IKZF2: variants seen among roughly 807,000 people sequenced by gnomAD.
The protein encoded by IKZF2 is zinc finger protein Helios.
Under a neutral mutation model 49.2 loss-of-function variants are expected in IKZF2, and 15 were observed. That is an observed-to-expected ratio of 0.30 (90% CI 0.20 to 0.47). The LOEUF (loss-of-function observed/expected upper bound fraction) is 0.47, where lower values mean the gene tolerates loss of function less well. IKZF2 is among the 20% of genes least tolerant of loss of function. IKZF2 has a pLI of 1.00. For synonymous variants in IKZF2, 227 were observed against 221.4 expected (o/e 1.03, Z -0.23); for missense variants, 567 against 664.6 (o/e 0.85, Z 1.61).
intron 4 of IKZF2, among the ~76,000 whole-genome samples, chr2:213,136,042 C>G (rs1401919647): frequency 7.7e-6 from 1 of 130,058 alleles, no homozygotes; most frequent in Admixed American, 7.1e-5. Context: ...GAGCGAGACT[C>G]CGTTTCAAAA....
intron 4 of IKZF2, among the ~76,000 whole-genome samples, chr2:213,097,527 C>A (rs1315896077): frequency 6.6e-6 from 1 of 151,960 alleles, no homozygotes; most frequent in Admixed American, 6.6e-5. Context: ...TCACATTTAG[C>A]CTTTATGTCC....
At chr2:213,104,119 C>G (rs1228667106) in intron 4 of IKZF2, among the ~76,000 whole-genome samples, 1 of 152,084 alleles carries the variant, frequency 6.6e-6, no homozygotes, top group Non-Finnish European at 1.5e-5. Context: ...GTATTGCAAA[C>G]TTGCAAAACA....
At chr2:213,136,978 G>A (rs910463650) in intron 4 of IKZF2, among the ~76,000 whole-genome samples, 1 of 151,956 alleles carries the variant, frequency 6.6e-6, no homozygotes, top group African/African-American at 2.4e-5. Context: ...ATTTGTTACA[G>A]GTATTGTACT....
chr2:213,036,070 G>T (rs1208247783), intron 6 of IKZF2, among the ~76,000 whole-genome samples: 1 of 151,998 alleles, frequency 6.6e-6, no homozygotes, highest in African/African-American at 2.4e-5. Context: ...ACTATTGTTA[G>T]ATTTATTTTG....
At chr2:213,101,758 T>C (rs1476621510) in intron 4 of IKZF2, among the ~76,000 whole-genome samples, 2 of 152,178 alleles carry the variant, frequency 1.3e-5, no homozygotes, top group East Asian at 3.8e-4. Flanking sequence ...TGAAATATAG[T>C]ACAGCTTGTT....
At chr2:213,093,931 T>C (rs968540227) in intron 4 of IKZF2, among the ~76,000 whole-genome samples, 3 of 152,156 alleles carry the variant, frequency 2.0e-5, no homozygotes, top group Admixed American at 2.0e-4. Flanking sequence ...GTCATTCTTA[T>C]TTGGGAAGTT....
chr2:213,081,949 G>A (rs1163464999), intron 4 of IKZF2, among the ~76,000 whole-genome samples: 1 of 152,134 alleles, frequency 6.6e-6, no homozygotes. Context: ...TGCAAAGTCA[G>A]GGAGGTCCTT....
intron 4 of IKZF2, chr2:213,147,284 G>GT (rs2061107867): frequency 3.3e-6 from 1 of 300,034 alleles, no homozygotes; most frequent in African/African-American, 2.2e-5. Flanking sequence ...TTAAAAGCAA[G>GT]TAACACTGTA....
At chr2:213,149,784 C>CT (rs1280480598) in intron 2 of IKZF2, among the ~76,000 whole-genome samples, 2 of 131,476 alleles carry the variant, frequency 1.5e-5, no homozygotes, top group African/African-American at 2.7e-5. Context: ...CTTACCCCCC[C>CT]CCCAAAAAAA....
intron 5 of IKZF2, 111 bp downstream of exon 5, chr2:213,056,722 G>T: frequency 1.6e-6 from 2 of 1,282,134 alleles, no homozygotes; most frequent in Non-Finnish European, 2.2e-6. Context: ...ATTCTGAAAA[G>T]GTAGTTTTCA....
At chr2:213,076,641 A>G (rs1703294316) in intron 4 of IKZF2, among the ~76,000 whole-genome samples, 1 of 152,182 alleles carries the variant, frequency 6.6e-6, no homozygotes. Flanking sequence ...GAGATATGTC[A>G]TTTCCCTATA....
chr2:213,014,720 A>G (rs1164883176), intron 7 of IKZF2: 1 of 152,014 alleles, frequency 6.6e-6, no homozygotes, highest in Non-Finnish European at 1.5e-5. Flanking sequence ...TGACATTCAT[A>G]GTGCAGACAA....
At chr2:213,068,141 T>C (rs181850135) in intron 4 of IKZF2, among the ~76,000 whole-genome samples, 2 of 152,106 alleles carry the variant, frequency 1.3e-5, no homozygotes, top group African/African-American at 4.8e-5. Context: ...ATATAAGGTA[T>C]AGTTAAAGGG....
At chr2:213,103,558 T>C (rs952410679) in intron 4 of IKZF2, among the ~76,000 whole-genome samples, 11 of 152,104 alleles carry the variant, frequency 7.2e-5, no homozygotes, top group African/African-American at 2.7e-4. Context: ...AAGGAAAGGA[T>C]AGGAAATCTC....
chr2:213,002,640 A>G lies in IKZF2; in HGVS notation c.*4720T>C, dbSNP rs573343611. On this transcript the variant is annotated 3_prime_UTR_variant, in exon 9 of 9. Transcript: ENST00000434687. ...CCATGATATGAAACCATTTGAGATT[A>G]TGCTTTGGAGAATAGCAATGTGATA... The G allele has an allele frequency of 6.6e-6, 1 of 152,040 alleles. No homozygotes were observed. Among genetic ancestry groups the G allele is most frequent in the Admixed American group, 6.6e-5 (1 of 15,192 alleles). 9.4% of individuals were successfully genotyped at this position (152,040 alleles called of 1,614,324 possible).
chr2:213,078,192 G>A (rs1018780045), intron 4 of IKZF2, among the ~76,000 whole-genome samples: 1 of 152,102 alleles, frequency 6.6e-6, no homozygotes, highest in Non-Finnish European at 1.5e-5. Flanking sequence ...TAGAGAAATT[G>A]GCTGAAATTG....
chr2:213,102,810 T>C (rs1246337563), intron 4 of IKZF2, among the ~76,000 whole-genome samples: 7 of 152,066 alleles, frequency 4.6e-5, no homozygotes, highest in Admixed American at 4.6e-4. Flanking sequence ...TCCTCAGTAA[T>C]ATTCTGCTGC....
chr2:213,048,110 G>T (rs1700336549), intron 6 of IKZF2, among the ~76,000 whole-genome samples: 1 of 152,036 alleles, frequency 6.6e-6, no homozygotes, highest in Admixed American at 6.6e-5. Flanking sequence ...ATCAGCTCTT[G>T]GTGATGCAGT....
chr2:213,034,749 A>T (rs888533356), intron 6 of IKZF2, among the ~76,000 whole-genome samples: 1 of 152,216 alleles, frequency 6.6e-6, no homozygotes, highest in Non-Finnish European at 1.5e-5. Context: ...AGAATTATTT[A>T]AATGTGACAG....
Sources: gnomAD v4.1 joint callset for allele counts (sites outside exome capture counted in the v4.1 genomes callset) on GRCh38, gnomAD v4.1.1 for gene constraint, MANE v1.5 for transcripts, NCBI Gene and HGNC (gene_info 2026-07-23, HGNC 2026-07-21) for gene names.